TCF7L2: variants seen among roughly 807,000 people sequenced by gnomAD.
TCF7L2 encodes transcription factor 7 like 2, also known as transcription factor 7-like 2.
A neutral mutation model predicts 77.9 loss-of-function variants in TCF7L2; 23 were observed. That is an observed-to-expected ratio of 0.30 (90% CI 0.21 to 0.42). The LOEUF is 0.42. Ranked by LOEUF, TCF7L2 falls within the 10% of genes least tolerant of loss-of-function variation. The pLI, the probability that TCF7L2 is intolerant of heterozygous loss-of-function variation, is 1.00. For synonymous variants in TCF7L2, 413 were observed against 340.2 expected (o/e 1.21, Z -2.36); for missense variants, 654 against 793.1 (o/e 0.82, Z 2.11).
chr10:113,161,237 G>A (rs1354371607), intron 13 of TCF7L2: 3 of 351,078 alleles, frequency 8.5e-6, no homozygotes, highest in Non-Finnish European at 1.6e-5. Context: ...TTGTTTTACA[G>A]TGCTGAAAAA....
At chr10:113,080,353 G>A (rs2059198754) in intron 5 of TCF7L2, among the ~76,000 whole-genome samples, 1 of 151,772 alleles carries the variant, frequency 6.6e-6, no homozygotes, top group Non-Finnish European at 1.5e-5. Flanking sequence ...CAAGCAGAAG[G>A]CATTGTGGAT....
In TCF7L2 at chr10:113,084,386, C is replaced by T. The variant is rs904707983; in HGVS notation, c.552+44260C>T. On this transcript the variant is annotated intron_variant, in intron 5 of 13. Transcript: ENST00000627217. ...CAGAGATGCTGCTTTAGCTCAAGCC[C>T]GAAGGCAGTTACTCAGGAGGATGCC... Among the ~76,000 whole-genome samples the T allele has an allele frequency of 5.3e-5, 8 of 152,124 alleles. No individual in the cohort carries two copies. In the South Asian group the frequency reaches 6.2e-4, roughly 12 times the overall value.
intron 3 of TCF7L2, among the ~76,000 whole-genome samples, chr10:112,955,695 T>A (rs1032303169): frequency 6.6e-6 from 1 of 152,208 alleles, no homozygotes; most frequent in Admixed American, 6.5e-5. Flanking sequence ...GATAGGGATT[T>A]CATTTAGAGT....
At chr10:113,075,759 A>G (rs184860930) in intron 5 of TCF7L2, among the ~76,000 whole-genome samples, 2 of 152,312 alleles carry the variant, frequency 1.3e-5, no homozygotes, top group East Asian at 1.9e-4. Context: ...TGAAAGAGAT[A>G]ATGTGAAGTC....
At chr10:113,029,345 G>T (rs1190365248) in intron 4 of TCF7L2, among the ~76,000 whole-genome samples, 1 of 152,028 alleles carries the variant, frequency 6.6e-6, no homozygotes, top group African/African-American at 2.4e-5. Flanking sequence ...GAGTTCCCAT[G>T]CCTTTGTAAG....
chr10:113,132,238 A>C (rs1347952978), intron 5 of TCF7L2: 4 of 152,228 alleles, frequency 2.6e-5, no homozygotes, highest in African/African-American at 9.6e-5. Context: ...TTACCTGATC[A>C]GTGAAGGAAA....
chr10:113,073,222 T>A (rs1479598674), intron 5 of TCF7L2, among the ~76,000 whole-genome samples: 1 of 151,780 alleles, frequency 6.6e-6, no homozygotes, highest in Non-Finnish European at 1.5e-5. Flanking sequence ...ACCTCACTTC[T>A]CAAGCAGGTG....
chr10:113,160,600 G>T lies in TCF7L2; in HGVS notation c.1319-19G>T, dbSNP rs372404272. ...CCCACCATTGTGTTGTATTTTTTGT[G>T]TTTACCTTATGCTAACAGATGCAAA... On this transcript the variant is annotated intron_variant, in intron 12 of 13. Transcript: ENST00000627217. 9 of 1,576,728 alleles carry T rather than the reference G, an allele frequency of 5.7e-6. No individual in the cohort carries two copies. The African/African-American group carries it at 1.1e-4, about 19-fold the overall frequency.
intron 5 of TCF7L2, among the ~76,000 whole-genome samples, chr10:113,089,059 G>C (rs565215798): frequency 2.4e-4 from 37 of 152,260 alleles, no homozygotes; most frequent in African/African-American, 8.9e-4. Context: ...GATTCAGTAA[G>C]GTAAGTTGAG....
intron 5 of TCF7L2, among the ~76,000 whole-genome samples, chr10:113,065,906 A>G (rs1196558482): frequency 2.6e-5 from 4 of 152,174 alleles, no homozygotes; most frequent in African/African-American, 9.7e-5. Flanking sequence ...GTGTTCTGCA[A>G]GTAAGTCTTT....
chr10:113,128,722 GT>G (rs1169469660), intron 5 of TCF7L2, among the ~76,000 whole-genome samples: 4 of 152,102 alleles, frequency 2.6e-5, no homozygotes, highest in Non-Finnish European at 4.4e-5. Context: ...AACTTTTTCT[GT>G]CTGTAATCCC....
intron 5 of TCF7L2, among the ~76,000 whole-genome samples, chr10:113,051,117 T>C (rs1185178675): frequency 6.6e-6 from 1 of 152,020 alleles, no homozygotes; most frequent in East Asian, 1.9e-4. Context: ...AAGGGGCAGA[T>C]ATGTGATATT....
chr10:113,145,932 A>G, intron 7 of TCF7L2, 79 bp from the exon 8 acceptor site: 2 of 1,169,590 alleles, frequency 1.7e-6, no homozygotes, highest in South Asian at 2.6e-5. Flanking sequence ...TGCAGAGAGA[A>G]CTTTTCCCTT....
chr10:113,131,601 G>A (rs535993201), intron 5 of TCF7L2, among the ~76,000 whole-genome samples: 5 of 152,276 alleles, frequency 3.3e-5, no homozygotes, highest in Non-Finnish European at 7.3e-5. Context: ...TTAGGAGAAG[G>A]GAGTTCCTTT....
intron 11 of TCF7L2, among the ~76,000 whole-genome samples, chr10:113,154,354 C>G (rs1013475881): frequency 2.0e-5 from 3 of 152,164 alleles, no homozygotes; most frequent in Admixed American, 6.5e-5. Context: ...TGAGCTTCTA[C>G]CTGCTACAGA....
chr10:113,102,344 G>T (rs1335173809), intron 5 of TCF7L2, among the ~76,000 whole-genome samples: 2 of 151,660 alleles, frequency 1.3e-5, no homozygotes, highest in African/African-American at 4.8e-5. Flanking sequence ...CTTATTAGTA[G>T]ATTTGAATGA....
At chr10:113,013,688 G>A (rs1055186389) in intron 4 of TCF7L2, among the ~76,000 whole-genome samples, 7 of 152,254 alleles carry the variant, frequency 4.6e-5, no homozygotes, top group African/African-American at 4.8e-5. Flanking sequence ...GCCCCTCCTT[G>A]GAAAGAACTT....
At chr10:112,976,415 T>C (rs2039435543) in intron 4 of TCF7L2, among the ~76,000 whole-genome samples, 1 of 152,250 alleles carries the variant, frequency 6.6e-6, no homozygotes, top group African/African-American at 2.4e-5. Context: ...ATTTCTCTTA[T>C]GTCACTGAAA....
chr10:113,088,185 C>T (rs550359698), intron 5 of TCF7L2, among the ~76,000 whole-genome samples: 40 of 152,006 alleles, frequency 2.6e-4, no homozygotes, highest in African/African-American at 8.0e-4. Flanking sequence ...GTTGTGAAAT[C>T]GCCCTTCTTG....
Sources: allele counts gnomAD v4.1 joint callset (sites outside exome capture counted in the v4.1 genomes callset), GRCh38; gene constraint gnomAD v4.1.1; transcripts MANE v1.5; gene names NCBI Gene and HGNC (gene_info 2026-07-23, HGNC 2026-07-21).